The following XYLT1 variants were observed in gnomAD, a reference collection of about 807,000 sequenced individuals.
XYLT1 encodes beta-D-xylosyltransferase 1.
Under a neutral mutation model 91.3 loss-of-function variants are expected in XYLT1, and 36 were observed. The ratio of observed to expected loss-of-function variants is 0.39; its 90% confidence interval spans 0.30 to 0.52. The LOEUF is 0.52. Among genes scored for constraint, XYLT1 ranks in the 20% least tolerant of loss-of-function variants. XYLT1 has a pLI of 0.68. For synonymous variants in XYLT1, 588 were observed against 532.0 expected (o/e 1.11, Z -1.45); for missense variants, 1,242 against 1,284.5 (o/e 0.97, Z 0.51).
At chr16:17,169,005 C>CT (rs561950843) in intron 5 of XYLT1, among the ~76,000 whole-genome samples, 125 of 152,330 alleles carry the variant, frequency 8.2e-4, no homozygotes, top group African/African-American at 2.9e-3. Context: ...TTTCATAACT[C>CT]TAAGACTGTG....
intron 2 of XYLT1, among the ~76,000 whole-genome samples, chr16:17,346,911 A>T: frequency 6.6e-6 from 1 of 152,216 alleles, no homozygotes; most frequent in Non-Finnish European, 1.5e-5. Context: ...GTTCAGTGGA[A>T]AAAATGAGCT....
intron 1 of XYLT1, among the ~76,000 whole-genome samples, chr16:17,399,063 C>T (rs1032479078): frequency 2.0e-5 from 3 of 152,074 alleles, no homozygotes; most frequent in African/African-American, 7.2e-5. Context: ...TTAGGGACCC[C>T]CCCGCTTCTA....
intron 11 of XYLT1, among the ~76,000 whole-genome samples, chr16:17,109,488 A>G (rs530294942): frequency 6.6e-5 from 10 of 152,328 alleles, no homozygotes; most frequent in African/African-American, 9.6e-5. Context: ...GAACAACAAC[A>G]AAGAAATAAG....
intron 1 of XYLT1, among the ~76,000 whole-genome samples, chr16:17,376,406 C>T (rs10468259): frequency 7.7e-4 from 118 of 152,318 alleles, no homozygotes; most frequent in African/African-American, 2.7e-3. Flanking sequence ...TCCTTCCAGA[C>T]CCTTCCTCAG....
intron 2 of XYLT1, among the ~76,000 whole-genome samples, chr16:17,322,623 C>T (rs1318166363): frequency 6.6e-6 from 1 of 152,214 alleles, no homozygotes; most frequent in East Asian, 1.9e-4. Flanking sequence ...TGTCTTCACT[C>T]TGGCCTCTTT....
intron 2 of XYLT1, among the ~76,000 whole-genome samples, chr16:17,342,334 AG>A (rs2035073386): frequency 6.6e-6 from 1 of 152,142 alleles, no homozygotes; most frequent in African/African-American, 2.4e-5. Context: ...CCAAAGGAAA[AG>A]GGCAACCTAT....
chr16:17,455,763 C>T (rs1431293709), intron 1 of XYLT1, among the ~76,000 whole-genome samples: 3 of 152,146 alleles, frequency 2.0e-5, no homozygotes, highest in Non-Finnish European at 4.4e-5. Flanking sequence ...AGATGATGTT[C>T]ACCCAATTAC....
chr16:17,372,120 G>A (rs570382378), intron 1 of XYLT1, among the ~76,000 whole-genome samples: 1 of 152,266 alleles, frequency 6.6e-6, no homozygotes, highest in South Asian at 2.1e-4. Context: ...GATAGAAGCA[G>A]GAAAGAATAA....
chr16:17,333,821 C>T (rs990761003), intron 2 of XYLT1, among the ~76,000 whole-genome samples: 2 of 151,974 alleles, frequency 1.3e-5, no homozygotes, highest in African/African-American at 4.8e-5. Context: ...CTCCTGACTT[C>T]AAGTGATCTG....
At chr16:17,403,094 C>T (rs2035989516) in intron 1 of XYLT1, among the ~76,000 whole-genome samples, 1 of 152,184 alleles carries the variant, frequency 6.6e-6, no homozygotes, top group Non-Finnish European at 1.5e-5. Context: ...AGACGATACA[C>T]AGAGACAAAC....
intron 2 of XYLT1, 142 bp downstream of exon 2, chr16:17,357,870 T>C: frequency 1.2e-6 from 1 of 836,086 alleles, no homozygotes. Flanking sequence ...TGTGTATACA[T>C]ACATGTGCAG....
At chr16:17,238,422 T>C (rs1024170211) in intron 3 of XYLT1, among the ~76,000 whole-genome samples, 6 of 152,236 alleles carry the variant, frequency 3.9e-5, no homozygotes, top group African/African-American at 1.4e-4. Flanking sequence ...CTTTTGGAGC[T>C]GCACAGTTTC....
intron 2 of XYLT1, among the ~76,000 whole-genome samples, chr16:17,322,133 A>T (rs548103728): frequency 3.3e-5 from 5 of 152,150 alleles, no homozygotes; most frequent in Non-Finnish European, 7.4e-5. Context: ...GAGTTCTTTG[A>T]CTGTGTTTTC....
At chr16:17,215,410 T>C (rs1181173110) in intron 3 of XYLT1, among the ~76,000 whole-genome samples, 1 of 152,116 alleles carries the variant, frequency 6.6e-6, no homozygotes, top group African/African-American at 2.4e-5. Flanking sequence ...GGATTTTTGC[T>C]CTTAGAAGAG....
At chr16:17,263,794 C>T (rs1225581442) in intron 2 of XYLT1, among the ~76,000 whole-genome samples, 6 of 152,088 alleles carry the variant, frequency 3.9e-5, no homozygotes, top group African/African-American at 7.2e-5. Flanking sequence ...CTGTAACCTC[C>T]GCCTCCCAGG....
rs2036400204 is a variant in XYLT1, at chr16:17,432,157, T to G, written c.363+38277A>C. ...TGGCACAGCCACTTTGGAAGACACTTCAACGATTTCTTAAAAAGTTAAATA... is the reference window on the plus strand; with the variant it reads ...TGGCACAGCCACTTTGGAAGACACTGCAACGATTTCTTAAAAAGTTAAATA... On this transcript the variant is annotated intron_variant, in intron 1 of 11. Transcript: ENST00000261381. Among the ~76,000 whole-genome samples, 2 of 152,212 alleles carry G rather than the reference T, an allele frequency of 1.3e-5. 1 individual carries two copies. Among genetic ancestry groups the G allele is most frequent in the South Asian group, 4.1e-4 (2 of 4,832 alleles).
At chr16:17,197,014 A>AATATATATATATATATAT (rs536988187) in intron 5 of XYLT1, among the ~76,000 whole-genome samples, 1,479 of 109,898 alleles carry the variant, frequency 0.013, 49 homozygotes, top group Non-Finnish European at 0.017. Flanking sequence ...CTGTCTCCAA[A>AATATATATATATATATAT]ATATATATAT....
intron 2 of XYLT1, among the ~76,000 whole-genome samples, chr16:17,275,684 T>C (rs1042638028): frequency 8.5e-5 from 13 of 152,192 alleles, no homozygotes; most frequent in African/African-American, 1.4e-4. Flanking sequence ...CTTCTCTGTC[T>C]CTCTTGATTC....
intron 1 of XYLT1, 24 bp downstream of exon 1, chr16:17,470,410 G>A: frequency 8.2e-7 from 1 of 1,225,866 alleles, no homozygotes; most frequent in South Asian, 4.1e-5. Context: ...TCGCCGCGGG[G>A]CGCGAGCCGA....
Sources: allele counts gnomAD v4.1 joint callset (sites outside exome capture counted in the v4.1 genomes callset), GRCh38; gene constraint gnomAD v4.1.1; transcripts MANE v1.5; gene names NCBI Gene and HGNC (gene_info 2026-07-23, HGNC 2026-07-21).